PIK3C2G: variants seen among roughly 807,000 people sequenced by gnomAD.
PIK3C2G encodes the protein phosphatidylinositol 3-kinase C2 domain-containing subunit gamma.
Under a neutral mutation model 181.1 loss-of-function variants are expected in PIK3C2G, and 168 were observed. That is an observed-to-expected ratio of 0.93 (90% CI 0.82 to 1.05). PIK3C2G has a LOEUF of 1.05. Among genes scored for constraint, PIK3C2G ranks in the 50% least tolerant of loss-of-function variants. The pLI is 0.00. For missense variants in PIK3C2G, 1,869 were observed against 1,732.8 expected, an observed-to-expected ratio of 1.08 and a Z score of -1.40; for synonymous variants, 573 against 592.2, an observed-to-expected ratio of 0.97 and a Z score of 0.47.
chr12:18,630,585 C>T lies in PIK3C2G; in HGVS notation c.4183-9844C>T, dbSNP rs77439589. 5.7e-3 allele frequency among the ~76,000 whole-genome samples: 867 copies of T among 151,976 alleles called. 2 individuals carry two copies. Among genetic ancestry groups the T allele is most frequent in the Middle Eastern group, 0.014 (4 of 294 alleles). ...GCAAAGCCCCAAGGGAATGTGGAGT[C>T]GGGGAAGAAGTGGAACAAAACATAG... On this transcript the variant is annotated intron_variant, in intron 31 of 32. Transcript: ENST00000538779.
chr12:18,699,748 T>A, the PIK3C2G span: 12 of 1,554,606 alleles, frequency 7.7e-6, no homozygotes, highest in Non-Finnish European at 1.1e-5. Context: ...TAGCAGTGAA[T>A]CTAACTCATT....
At chr12:18,371,431 A>C (rs1942054416) in intron 13 of PIK3C2G, 120 bp downstream of exon 13, 1 of 810,808 alleles carries the variant, frequency 1.2e-6, no homozygotes. Flanking sequence ...AAATTGACAT[A>C]GTTCAATATA....
At chr12:18,660,593 A>G in the PIK3C2G span, among the ~76,000 whole-genome samples, 21 of 152,202 alleles carry the variant, frequency 1.4e-4, no homozygotes, top group Non-Finnish European at 1.5e-4. Flanking sequence ...AGACTCAGAA[A>G]TGACCAGAAA....
intron 24 of PIK3C2G, among the ~76,000 whole-genome samples, chr12:18,514,951 G>A (rs920779253): frequency 5.9e-5 from 9 of 151,844 alleles, no homozygotes; most frequent in African/African-American, 2.2e-4. Flanking sequence ...TATCATGAAG[G>A]ATGTTAAATT....
At chr12:18,685,676 T>G in the PIK3C2G span, 1 of 515,280 alleles carries the variant, frequency 1.9e-6, no homozygotes, top group Non-Finnish European at 3.9e-6. Context: ...GAGAAATAAT[T>G]TCATGGGGTA....
At chr12:18,327,734 T>C (rs531870878) in intron 8 of PIK3C2G, among the ~76,000 whole-genome samples, 1 of 152,070 alleles carries the variant, frequency 6.6e-6, no homozygotes, top group Non-Finnish European at 1.5e-5. Flanking sequence ...TTCAGAAATA[T>C]TAAGAATGGA....
intron 16 of PIK3C2G, among the ~76,000 whole-genome samples, chr12:18,417,717 G>C (rs1471902158): frequency 6.6e-6 from 1 of 151,504 alleles, no homozygotes; most frequent in Non-Finnish European, 1.5e-5. Flanking sequence ...GTAGACTACA[G>C]TATGGTATAA....
chr12:18,478,968 C>T (rs1210471590), intron 18 of PIK3C2G, among the ~76,000 whole-genome samples: 2 of 144,282 alleles, frequency 1.4e-5, no homozygotes, highest in Non-Finnish European at 3.0e-5. Flanking sequence ...GAGTGAGATC[C>T]TGTCTCAAAA....
chr12:18,425,590 C>A (rs1428318231), intron 18 of PIK3C2G, among the ~76,000 whole-genome samples: 1 of 151,912 alleles, frequency 6.6e-6, no homozygotes, highest in African/African-American at 2.4e-5. Flanking sequence ...CAGGGTTTCA[C>A]CACATTGGCC....
the PIK3C2G span, chr12:18,723,318 G>A: frequency 7.5e-6 from 12 of 1,609,342 alleles, no homozygotes; most frequent in South Asian, 1.1e-5. Context: ...TACCTTCTTC[G>A]ATAGGCTCGT....
upstream of PIK3C2G, among the ~76,000 whole-genome samples, chr12:18,256,883 CAT>C (rs1948151102): frequency 6.6e-6 from 1 of 151,846 alleles, no homozygotes; most frequent in Non-Finnish European, 1.5e-5. Context: ...GTCATTAAAA[CAT>C]AGAAAGAGAC....
chr12:18,491,478 C>T lies in PIK3C2G; in HGVS notation c.2713C>T (p.Leu905=). Reference sequence around the variant, plus strand: ...GGTACTGAAGAAAGAAATTGGCAGACTAGAAGAGTTCTTTCAAGATGTAAA... The same window carrying T: ...GGTACTGAAGAAAGAAATTGGCAGATTAGAAGAGTTCTTTCAAGATGTAAA... ...QEVLKKEIGR[L]EEFFQDVNTC... is the part of the protein sequence containing the mutation. Residue 905 remains leucine, a synonymous_variant, in exon 20 of 33, where the codon CTA becomes TTA. Coordinates refer to ENST00000538779, the MANE Select transcript of PIK3C2G (RefSeq NM_001288772.2). 1 of 1,603,534 alleles carries T rather than the reference C, an allele frequency of 6.2e-7. No individual in the cohort carries two copies. Among genetic ancestry groups the T allele is most frequent in the Non-Finnish European group, 8.5e-7 (1 of 1,170,900 alleles).
chr12:18,260,790 TACTTCTGGC>T (rs1202605827), upstream of PIK3C2G, among the ~76,000 whole-genome samples: 1 of 152,120 alleles, frequency 6.6e-6, no homozygotes, highest in Non-Finnish European at 1.5e-5. Context: ...AAAGCAGGCC[TACTTCTGGC>T]AGATCCTATT....
chr12:18,440,857 T>C (rs1002493300), intron 18 of PIK3C2G, among the ~76,000 whole-genome samples: 2 of 152,126 alleles, frequency 1.3e-5, no homozygotes, highest in Non-Finnish European at 2.9e-5. Flanking sequence ...TTTTGATCTA[T>C]TGAAGTGTGA....
chr12:18,650,704 GTATATATCTATATATATATA>G (rs1950449378), downstream of PIK3C2G, among the ~76,000 whole-genome samples: 282 of 57,756 alleles, frequency 4.9e-3, 3 homozygotes, highest in African/African-American at 0.014. Flanking sequence ...GTGTGTGTGT[GTATATATCTATATATATATA>G]TATATATATA....
intron 3 of PIK3C2G, among the ~76,000 whole-genome samples, chr12:18,287,565 A>G (rs1177295996): frequency 6.6e-6 from 1 of 152,186 alleles, no homozygotes; most frequent in Non-Finnish European, 1.5e-5. Context: ...TTGAAAAACT[A>G]ATGCATTCAG....
chr12:18,411,976 T>G (rs1565692806), intron 16 of PIK3C2G, among the ~76,000 whole-genome samples: 3 of 151,708 alleles, frequency 2.0e-5, no homozygotes, highest in African/African-American at 7.3e-5. Context: ...GGAATAGAAG[T>G]GTTTTTTTTA....
At chr12:18,248,312 C>T (rs766315592) in intron 1 of PIK3C2G, among the ~76,000 whole-genome samples, 18 of 152,178 alleles carry the variant, frequency 1.2e-4, no homozygotes, top group Non-Finnish European at 2.2e-4. Flanking sequence ...GTGGCTCACG[C>T]CTGTAATCCC....
chr12:18,669,993 A>G, the PIK3C2G span, among the ~76,000 whole-genome samples: 212 of 152,112 alleles, frequency 1.4e-3, 1 homozygote, highest in Admixed American at 2.2e-3. Context: ...TAAGGGCATT[A>G]ATCCTATCAT....
Sources: gnomAD v4.1 joint callset for allele counts (sites outside exome capture counted in the v4.1 genomes callset) on GRCh38, gnomAD v4.1.1 for gene constraint, MANE v1.5 for transcripts, NCBI Gene and HGNC (gene_info 2026-07-23, HGNC 2026-07-21) for gene names.